Variants in EDIL3 observed in about 807,000 individuals in gnomAD.
The protein encoded by EDIL3 is EGF-like repeat and discoidin I-like domain-containing protein 3.
In EDIL3, 37 loss-of-function variants were observed where a neutral mutation model predicts 67.4. The observed-to-expected ratio is 0.55, with a 90% CI of 0.42 to 0.72. EDIL3 has a LOEUF of 0.72. Ranked by LOEUF, EDIL3 falls within the 30% of genes least tolerant of loss-of-function variation. The pLI is 0.00. For missense variants in EDIL3, 527 were observed against 586.3 expected (o/e 0.90, Z 1.04); for synonymous variants, 195 against 196.3 (o/e 0.99, Z 0.05).
intron 9 of EDIL3, among the ~76,000 whole-genome samples, chr5:83,990,497 A>G (rs984983026): frequency 1.3e-4 from 20 of 150,990 alleles, no homozygotes; most frequent in African/African-American, 3.4e-4. Context: ...AAAAAAAAAA[A>G]AAAGAAAGAA....
intron 2 of EDIL3, among the ~76,000 whole-genome samples, chr5:84,232,826 C>T (rs2112046763): frequency 6.6e-6 from 1 of 152,256 alleles, no homozygotes. Context: ...AGGCTAACTG[C>T]TTTACTGAAC....
At chr5:84,085,575 T>A (rs941760664) in intron 6 of EDIL3, among the ~76,000 whole-genome samples, 1 of 152,192 alleles carries the variant, frequency 6.6e-6, no homozygotes, top group Non-Finnish European at 1.5e-5. Context: ...GGCACCAACC[T>A]GACGCCAGCC....
At chr5:84,038,649 T>A (rs1746066684) in intron 9 of EDIL3, among the ~76,000 whole-genome samples, 1 of 152,184 alleles carries the variant, frequency 6.6e-6, no homozygotes, top group African/African-American at 2.4e-5. Context: ...GGGGTGCTGT[T>A]GTTGGTGGTG....
At chr5:84,078,122 A>T (rs1300478941) in intron 6 of EDIL3, among the ~76,000 whole-genome samples, 1 of 152,192 alleles carries the variant, frequency 6.6e-6, no homozygotes, top group African/African-American at 2.4e-5. Context: ...GTTGTTAGTA[A>T]AATTAAGCAA....
chr5:84,192,726 C>T (rs347379), intron 3 of EDIL3, among the ~76,000 whole-genome samples: 89,777 of 151,840 alleles, frequency 0.59, 26,699 homozygotes, highest in East Asian at 0.76. Flanking sequence ...AAAACAGGTG[C>T]ACCTTCTAAT....
At chr5:84,240,884 A>G (rs1055940870) in intron 2 of EDIL3, among the ~76,000 whole-genome samples, 1 of 151,814 alleles carries the variant, frequency 6.6e-6, no homozygotes, top group Admixed American at 6.6e-5. Flanking sequence ...TTATAAACTG[A>G]GCAACCACTA....
intron 2 of EDIL3, among the ~76,000 whole-genome samples, chr5:84,239,638 A>G (rs1193229573): frequency 6.6e-6 from 1 of 152,204 alleles, no homozygotes; most frequent in African/African-American, 2.4e-5. Flanking sequence ...CTTGCTGCCT[A>G]AAGGCAAGAT....
At chr5:83,995,425 T>C (rs188087847) in intron 9 of EDIL3, among the ~76,000 whole-genome samples, 54 of 152,280 alleles carry the variant, frequency 3.5e-4, no homozygotes, top group Admixed American at 8.5e-4. Context: ...TGATGAACTA[T>C]TGAAGAAGTG....
intron 1 of EDIL3, among the ~76,000 whole-genome samples, chr5:84,351,244 G>A (rs897794708): frequency 6.6e-6 from 1 of 152,054 alleles, no homozygotes; most frequent in African/African-American, 2.4e-5. Context: ...TCTTGGCAGG[G>A]TTTTGAGATA....
intron 6 of EDIL3, among the ~76,000 whole-genome samples, chr5:84,085,647 C>T (rs1215723929): frequency 6.6e-6 from 1 of 152,216 alleles, no homozygotes; most frequent in Non-Finnish European, 1.5e-5. Context: ...AGTCAGAAGG[C>T]ACGGGGGTCA....
chr5:84,074,409 T>G (rs1746809692), intron 6 of EDIL3, among the ~76,000 whole-genome samples: 3 of 152,102 alleles, frequency 2.0e-5, no homozygotes, highest in African/African-American at 7.2e-5. Context: ...GAGTGAACAT[T>G]CAACCCACAA....
chr5:84,338,366 A>C (rs949723954), intron 1 of EDIL3, among the ~76,000 whole-genome samples: 1 of 152,212 alleles, frequency 6.6e-6, no homozygotes, highest in Non-Finnish European at 1.5e-5. Context: ...GCCATCTGCC[A>C]TGAGAGGACC....
intron 1 of EDIL3, among the ~76,000 whole-genome samples, chr5:84,310,547 A>C (rs1181670505): frequency 6.6e-6 from 1 of 152,300 alleles, no homozygotes; most frequent in African/African-American, 2.4e-5. Flanking sequence ...GAAAAAATAA[A>C]TTTCTCATCT....
intron 2 of EDIL3, among the ~76,000 whole-genome samples, chr5:84,238,683 T>TTTC (rs1554037698): frequency 4.2e-5 from 6 of 144,316 alleles, no homozygotes; most frequent in African/African-American, 1.5e-4. Flanking sequence ...TTTTTTTTTT[T>TTTC]CAGAATCATT....
intron 1 of EDIL3, among the ~76,000 whole-genome samples, chr5:84,327,853 G>A (rs1263223838): frequency 6.6e-6 from 1 of 151,956 alleles, no homozygotes; most frequent in African/African-American, 2.4e-5. Context: ...GCTATTGACT[G>A]GTGAGACTAA....
At chr5:84,132,326 T>TATAATATATATTATATATATTTTATAC (rs1747986213) in intron 5 of EDIL3, among the ~76,000 whole-genome samples, 2 of 86,354 alleles carry the variant, frequency 2.3e-5, no homozygotes, top group South Asian at 5.9e-4. Context: ...ATATATTTTA[T>TATAATATATATTATATATATTTTATAC]ATAATATATA....
At chr5:84,053,436 G>A (rs1047575590) in intron 9 of EDIL3, among the ~76,000 whole-genome samples, 1 of 152,118 alleles carries the variant, frequency 6.6e-6, no homozygotes, top group Non-Finnish European at 1.5e-5. Flanking sequence ...AAAGCTAGGA[G>A]AAGGCAAGAA....
At chr5:84,019,779 TAA>T (rs1189702490) in intron 9 of EDIL3, among the ~76,000 whole-genome samples, 1 of 152,092 alleles carries the variant, frequency 6.6e-6, no homozygotes, top group East Asian at 1.9e-4. Context: ...ACCTGTTTTC[TAA>T]TTAGGTAAAT....
At chr5:84,217,140 C>CAA (rs33931531) in intron 3 of EDIL3, among the ~76,000 whole-genome samples, 2 of 136,136 alleles carry the variant, frequency 1.5e-5, no homozygotes, top group African/African-American at 2.7e-5. Context: ...CAAGGACAGC[C>CAA]AAAAAAAAAA....
Sources: gnomAD v4.1 joint callset for allele counts (sites outside exome capture counted in the v4.1 genomes callset) on GRCh38, gnomAD v4.1.1 for gene constraint, MANE v1.5 for transcripts, NCBI Gene and HGNC (gene_info 2026-07-23, HGNC 2026-07-21) for gene names.